Variants in SOBP observed in about 807,000 individuals in gnomAD.
The protein encoded by SOBP is sine oculis binding protein homolog.
Under a neutral mutation model 53.6 loss-of-function variants are expected in SOBP, and 4 were observed. The ratio of observed to expected loss-of-function variants is 0.07; its 90% CI spans 0.04 to 0.17. The LOEUF (loss-of-function observed/expected upper bound fraction) is 0.17. Ranked by LOEUF, SOBP falls within the 10% of genes least tolerant of loss-of-function variation. SOBP has a pLI of 1.00. For missense variants in SOBP, 1,088 were observed against 1,204.7 expected, an observed-to-expected ratio of 0.90 and a Z score of 1.43; for synonymous variants, 584 against 522.6, an observed-to-expected ratio of 1.12 and a Z score of -1.60.
At chr6:107,536,758 G>A (rs1784010267) in intron 4 of SOBP, among the ~76,000 whole-genome samples, 1 of 152,126 alleles carries the variant, frequency 6.6e-6, no homozygotes, top group South Asian at 2.1e-4. Context: ...TGCCAGGAGA[G>A]GACCATGAAT....
intron 5 of SOBP, among the ~76,000 whole-genome samples, chr6:107,597,188 A>G (rs1034064560): frequency 6.6e-6 from 1 of 152,210 alleles, no homozygotes; most frequent in Non-Finnish European, 1.5e-5. Flanking sequence ...GTGTGCTAGG[A>G]TAAGGCTTTC....
chr6:107,660,306 T>C lies in SOBP; in HGVS notation c.*2103T>C, dbSNP rs927983765. 6.6e-6 allele frequency: 1 copy of C among 152,168 alleles called. No homozygotes were observed. Among genetic ancestry groups the C allele is most frequent in the Non-Finnish European group, 1.5e-5 (1 of 68,036 alleles). The allele number at this position is 152,168 out of a possible 1,614,324, so 9.4% of individuals were successfully genotyped here. On this transcript the variant is annotated 3_prime_UTR_variant, in exon 7 of 7. Coordinates refer to ENST00000317357, the MANE Select transcript of SOBP (RefSeq NM_018013.4). Reference sequence around the variant, plus strand: ...ATGGTAAGCTACTGGGATGGCACTGTCTCTTCCTGACCTGCTAGACCACGC... The same window carrying C: ...ATGGTAAGCTACTGGGATGGCACTGCCTCTTCCTGACCTGCTAGACCACGC...
At chr6:107,608,594 G>A (rs534418559) in intron 5 of SOBP, among the ~76,000 whole-genome samples, 11 of 152,322 alleles carry the variant, frequency 7.2e-5, no homozygotes, top group East Asian at 5.8e-4. Context: ...ATCTAAAGCC[G>A]GGTAAGTGCT....
chr6:107,591,400 C>T (rs987965649), intron 5 of SOBP, among the ~76,000 whole-genome samples: 1 of 152,134 alleles, frequency 6.6e-6, no homozygotes, highest in Non-Finnish European at 1.5e-5. Context: ...TAGCAAAGTT[C>T]TTGGAGTACA....
chr6:107,506,970 G>C (rs544377384), intron 3 of SOBP, among the ~76,000 whole-genome samples: 1 of 151,952 alleles, frequency 6.6e-6, no homozygotes, highest in African/African-American at 2.4e-5. Context: ...GGAGGCCGAG[G>C]CAGAAGGATC....
At chr6:107,622,852 A>C (rs1048746599) in intron 5 of SOBP, among the ~76,000 whole-genome samples, 1 of 152,248 alleles carries the variant, frequency 6.6e-6, no homozygotes, top group African/African-American at 2.4e-5. Context: ...AAAATACATT[A>C]ATTAGCAAAG....
rs1038826545 is a variant in SOBP at position 107,659,462 on chromosome 6, G to T, written c.*1259G>T. ...CAGTTGTGGAGTATCCCATTCTGATGAGTACAGAAAAAAAAAGAAAAAGAA... is the reference window on the plus strand; with the variant it reads ...CAGTTGTGGAGTATCCCATTCTGATTAGTACAGAAAAAAAAAGAAAAAGAA... On this transcript the variant is annotated 3_prime_UTR_variant, in exon 7 of 7. Transcript: ENST00000317357. 1.4e-5 allele frequency: 2 copies of T among 144,028 alleles called. No homozygotes were observed. Among genetic ancestry groups the T allele is most frequent in the African/African-American group, 5.2e-5 (2 of 38,600 alleles). The allele number at this position is 144,028 out of a possible 1,614,324, so 8.9% of individuals were successfully genotyped here.
intron 3 of SOBP, among the ~76,000 whole-genome samples, chr6:107,522,228 A>G (rs953182944): frequency 6.6e-6 from 1 of 152,178 alleles, no homozygotes; most frequent in African/African-American, 2.4e-5. Flanking sequence ...CTTAGGAGCC[A>G]TGGAGACCAT....
Position 107,490,526 on chromosome 6 carries a change from C to T in SOBP, c.-91C>T, listed in dbSNP as rs1463094174. The T allele has an allele frequency of 7.8e-6, 7 of 894,618 alleles. No individual in the cohort carries two copies. The highest frequency in any genetic ancestry group is 1.3e-5 in the Non-Finnish European group (7 of 558,558). The allele number at this position is 894,618 out of a possible 1,614,324, so 55.4% of individuals were successfully genotyped here. ...CTACCTCCGCCAGCCTCGCCACCAT[C>T]AGCACCACCTCCACCGCCGCCGCCG... is the stretch of plus-strand genomic sequence containing the variant. On this transcript the variant is annotated 5_prime_UTR_variant, in exon 1 of 7. Coordinates refer to ENST00000317357, the MANE Select transcript of SOBP (RefSeq NM_018013.4).
intron 3 of SOBP, chr6:107,515,145 A>T (rs942564304): frequency 6.6e-6 from 1 of 152,276 alleles, no homozygotes; most frequent in Non-Finnish European, 1.5e-5. Flanking sequence ...ACGTCACATT[A>T]GTTTAACTTA....
chr6:107,586,710 A>G (rs561138646), intron 4 of SOBP, among the ~76,000 whole-genome samples: 70 of 152,150 alleles, frequency 4.6e-4, no homozygotes, highest in Admixed American at 1.2e-3. Flanking sequence ...CATTATCTAG[A>G]GATTGCTTAA....
Position 107,635,100 on chromosome 6 carries a change from GC to G in SOBP, c.2262del (p.Lys755ArgfsTer11). 1 of 1,600,144 alleles carries G rather than the reference GC, an allele frequency of 6.2e-7. No individual in the cohort carries two copies. Among genetic ancestry groups the G allele is most frequent in the East Asian group, 2.3e-5 (1 of 43,914 alleles). On this transcript the variant is annotated frameshift_variant, in exon 6 of 7. Coordinates refer to ENST00000317357, the MANE Select transcript of SOBP (RefSeq NM_018013.4). LOFTEE classifies it high-confidence loss of function. This position sits in a 1 kb window ranked among gnomAD's most constrained non-coding sequence, Gnocchi z 4.5. ...EQPPPPPPPA[P>X]PKKLLSPEEP... ...AGCCGCCGCCGCCGCCGCCGCCCGC[GC>G]CCCCCAAGAAGCTGCTGTCGCCTGA... is the stretch of plus-strand genomic sequence containing the variant.
intron 5 of SOBP, among the ~76,000 whole-genome samples, chr6:107,616,096 G>C (rs1269552317): frequency 9.9e-6 from 1 of 101,282 alleles, no homozygotes; most frequent in African/African-American, 4.0e-5. Flanking sequence ...GGGGGGGGGC[G>C]GGGGGGCGGC....
intron 1 of SOBP, among the ~76,000 whole-genome samples, chr6:107,497,638 A>G (rs1262792339): frequency 6.6e-6 from 1 of 152,146 alleles, no homozygotes; most frequent in Non-Finnish European, 1.5e-5. Context: ...ATACTATACT[A>G]ACCTTCCTTT....
chr6:107,581,609 A>G (rs928283289), intron 4 of SOBP, among the ~76,000 whole-genome samples: 4 of 152,196 alleles, frequency 2.6e-5, no homozygotes, highest in African/African-American at 9.7e-5. Context: ...GCAGTGTGTG[A>G]TAGCTGCTGT....
intron 6 of SOBP, among the ~76,000 whole-genome samples, chr6:107,641,560 G>C (rs896778423): frequency 4.6e-5 from 7 of 152,122 alleles, no homozygotes; most frequent in African/African-American, 1.7e-4. Context: ...TGGGAGCGCT[G>C]CCAATGCTCC....
intron 5 of SOBP, among the ~76,000 whole-genome samples, chr6:107,626,154 A>G (rs2115128224): frequency 6.6e-6 from 1 of 152,366 alleles, no homozygotes; most frequent in African/African-American, 2.4e-5. Context: ...TTAAAAAAAG[A>G]GGAGTCACAG....
At chr6:107,620,620 C>T (rs1205515251) in intron 5 of SOBP, among the ~76,000 whole-genome samples, 1 of 152,168 alleles carries the variant, frequency 6.6e-6, no homozygotes, top group African/African-American at 2.4e-5. Context: ...CCTCTTTGTT[C>T]CCTCTCCTGT....
rs536673267 is a variant in SOBP at position 107,600,977 on chromosome 6, T to C, written c.669+13802T>C. ...AAAGTTATATTGTTAAATTATATAA[T>C]GTGTATAAAATAATCTTAATAAAGC... On this transcript the variant is annotated intron_variant, in intron 5 of 6. Transcript: ENST00000317357. 2.0e-5 allele frequency among the ~76,000 whole-genome samples: 3 copies of C among 152,310 alleles called. No individual in the cohort carries two copies. The South Asian group carries it at 6.2e-4, about 32-fold the overall frequency.
Sources: allele counts gnomAD v4.1 joint callset (sites outside exome capture counted in the v4.1 genomes callset), GRCh38; gene constraint gnomAD v4.1.1; non-coding constraint Gnocchi (gnomAD v3.1); transcripts MANE v1.5; gene names NCBI Gene and HGNC (gene_info 2026-07-23, HGNC 2026-07-21).